Variants in MYO7A observed in about 807,000 individuals in gnomAD.
The protein encoded by MYO7A is unconventional myosin-VIIa.
MYO7A carries 210 observed loss-of-function variants against 263.8 expected under a neutral mutation model. That is an observed-to-expected ratio of 0.80 (90% CI 0.71 to 0.89). MYO7A has a LOEUF of 0.89. MYO7A is among the 40% of genes least tolerant of loss of function. MYO7A has a pLI of 0.00. For missense variants in MYO7A, 2,820 were observed against 2,968.3 expected (o/e 0.95, Z 1.16); for synonymous variants, 1,239 against 1,197.3 (o/e 1.03, Z -0.72).
rs885442 is a variant in MYO7A at position 77,208,993 on chromosome 11, T to G, written c.6051+190T>G. ...CCTGATCCTTGTATCTTCTGATTCT[T>G]CAGCCCTTAGGGGCTTGACAGTTCC... On this transcript the variant is annotated intron_variant, in intron 44 of 48. Transcript: ENST00000409709. 0.52 allele frequency: 313,641 copies of G among 597,994 alleles called. 86,626 individuals carry two copies. Among genetic ancestry groups the G allele is most frequent in the Admixed American group, 0.61 (21,127 of 34,792 alleles). The allele number at this position is 597,994 out of a possible 1,614,324, so 37.0% of individuals were successfully genotyped here. A position where few individuals can be genotyped will look rare whatever the true frequency, so the allele number is the denominator to read the frequency against.
At position 77,181,471 on chromosome 11, in the gene MYO7A, T is replaced by A. The variant is rs1955177590; in HGVS notation, c.2786T>A (p.Met929Lys). 1 of 1,612,254 alleles carries A rather than the reference T, an allele frequency of 6.2e-7. No homozygotes were observed. Among genetic ancestry groups the A allele is most frequent in the African/African-American group, 1.3e-5 (1 of 75,040 alleles). Residue 929 changes from methionine (M) to lysine (K), a missense_variant, in exon 23 of 49, where the codon ATG (methionine) becomes AAG (lysine). By Grantham distance (95) the Met-to-Lys change is moderately conservative. Transcript: ENST00000409709. ...CGGAAGAAGGAGCTCCTGGAGCAGA[T>A]GGAAAGGGCCCGCCATGAGCCTGTC... ...ARRKKELLEQ[M>K]ERARHEPVNH...
chr11:77,147,695 C>T, intron 3 of MYO7A, 103 bp from the exon 4 acceptor site: 1 of 1,478,528 alleles, frequency 6.8e-7, no homozygotes, highest in Non-Finnish European at 9.2e-7. Flanking sequence ...AGGCCCTTAC[C>T]CGGGTTGGCA....
intron 44 of MYO7A, among the ~76,000 whole-genome samples, chr11:77,209,889 G>T (rs1337036788): frequency 8.2e-4 from 125 of 152,304 alleles, no homozygotes; most frequent in African/African-American, 2.9e-3. Context: ...CCTGCCTGGT[G>T]GTGCCACTAA....
At chr11:77,206,554 A>T (rs1238391410) in intron 41 of MYO7A, among the ~76,000 whole-genome samples, 2 of 151,520 alleles carry the variant, frequency 1.3e-5, no homozygotes, top group Non-Finnish European at 2.9e-5. Flanking sequence ...CCAGGTCCAG[A>T]CCTCCCCTGT....
rs114262455 is a variant in MYO7A at position 77,208,303 on chromosome 11, G to C, written c.5857-127G>C. 2.2e-3 allele frequency: 1,604 copies of C among 741,758 alleles called. 29 individuals carry two copies. In the African/African-American group the frequency reaches 0.025, roughly 12 times the overall value. The allele number at this position is 741,758 out of a possible 1,614,324, so 45.9% of individuals were successfully genotyped here. Reference sequence around the variant, plus strand: ...TGGGGCAGGGTGGGGCTGACACACAGAAACCCCTTCCGGCTGGGAGTGGAG... The same window carrying C: ...TGGGGCAGGGTGGGGCTGACACACACAAACCCCTTCCGGCTGGGAGTGGAG... On this transcript the variant is annotated intron_variant, in intron 42 of 48. Transcript: ENST00000409709.
intron 4 of MYO7A, among the ~76,000 whole-genome samples, chr11:77,155,095 A>T (rs1952321128): frequency 1.3e-5 from 2 of 152,226 alleles, no homozygotes; most frequent in Non-Finnish European, 2.9e-5. Flanking sequence ...TTCAAGTTTG[A>T]GACGTGGGGT....
At chr11:77,175,923 G>A (rs537741368) in intron 18 of MYO7A, among the ~76,000 whole-genome samples, 3 of 152,360 alleles carry the variant, frequency 2.0e-5, no homozygotes, top group East Asian at 3.9e-4. Flanking sequence ...ACTCTGTAGG[G>A]AGCTCAGCTC....
intron 14 of MYO7A, among the ~76,000 whole-genome samples, chr11:77,165,242 G>A (rs956628166): frequency 6.6e-6 from 1 of 152,186 alleles, no homozygotes; most frequent in Non-Finnish European, 1.5e-5. Flanking sequence ...CGCCATTCAT[G>A]GGCAGCCTAT....
At chr11:77,132,454 G>A (rs1295384453) in intron 2 of MYO7A, among the ~76,000 whole-genome samples, 2 of 151,838 alleles carry the variant, frequency 1.3e-5, no homozygotes, top group African/African-American at 2.4e-5. Flanking sequence ...TGGCAGCTGT[G>A]GGAAAACAGG....
chr11:77,145,058 T>G (rs551975462), intron 3 of MYO7A, among the ~76,000 whole-genome samples: 1 of 152,144 alleles, frequency 6.6e-6, no homozygotes, highest in African/African-American at 2.4e-5. Flanking sequence ...CTGGCCTCTG[T>G]TGGGACTCCT....
intron 37 of MYO7A, 61 bp downstream of exon 37, chr11:77,202,485 G>A (rs1370855490): frequency 6.6e-7 from 1 of 1,522,042 alleles, no homozygotes; most frequent in African/African-American, 1.4e-5. Flanking sequence ...TTCCGCTACT[G>A]TCTGGTCGTG....
intron 16 of MYO7A, among the ~76,000 whole-genome samples, chr11:77,173,104 A>G (rs1555077584): frequency 6.6e-6 from 1 of 152,218 alleles, no homozygotes; most frequent in East Asian, 1.9e-4. Flanking sequence ...GCAGGTTCAG[A>G]TCCTGCCTCT....
chr11:77,182,655 G>A lies in MYO7A; in HGVS notation c.3285+55G>A, dbSNP rs146533451. 2.9e-4 allele frequency: 459 copies of A among 1,580,382 alleles called. No individual in the cohort carries two copies. The East Asian group carries it at 8.1e-3, about 28-fold the overall frequency. ...CCCTCCCAGGCCGACAAGGAGGGCC[G>A]CTGGCATCACCAGCCTTGGGCTCCT... is the stretch of plus-strand genomic sequence containing the variant. On this transcript the variant is annotated intron_variant, in intron 25 of 48. Transcript: ENST00000409709.
intron 16 of MYO7A, among the ~76,000 whole-genome samples, chr11:77,173,596 G>A (rs12284953): frequency 0.02 from 3,022 of 152,202 alleles, 86 homozygotes; most frequent in African/African-American, 0.068. Context: ...CTCTCCTTTC[G>A]CAGCACAGGC....
chr11:77,182,406 AT>A lies in MYO7A; in HGVS notation c.3109-17del. The A allele has an allele frequency of 1.9e-6, 3 of 1,605,858 alleles. No homozygotes were observed. Among genetic ancestry groups the A allele is most frequent in the Non-Finnish European group, 1.7e-6 (2 of 1,176,060 alleles). On this transcript the variant is annotated splice_polypyrimidine_tract_variant and intron_variant, in intron 24 of 48. Transcript: ENST00000409709. Reference sequence around the variant, plus strand: ...AATGTCCTCCGCTCTGGCCTCTGACATGCGCGCTCTGCCCCAGGCAGCCCTG... The same window carrying A: ...AATGTCCTCCGCTCTGGCCTCTGACAGCGCGCTCTGCCCCAGGCAGCCCTG...
At chr11:77,170,488 C>T (rs1038550622) in intron 15 of MYO7A, among the ~76,000 whole-genome samples, 14 of 152,052 alleles carry the variant, frequency 9.2e-5, no homozygotes, top group African/African-American at 2.2e-4. Flanking sequence ...TGCCTTCATG[C>T]GAGTGAATCA....
At chr11:77,165,129 A>G (rs1174466391) in intron 14 of MYO7A, among the ~76,000 whole-genome samples, 2 of 152,210 alleles carry the variant, frequency 1.3e-5, no homozygotes, top group Non-Finnish European at 2.9e-5. Context: ...GAACCCAATT[A>G]CATCCCAACT....
In MYO7A at chr11:77,190,957, G is replaced by A. The variant is rs75781644; in HGVS notation, c.3924+87G>A. ...CCAGTGCTGCCACCTACTTGCCGGG[G>A]CTATTCACCCTTGAGCACCTCGGTT... On this transcript the variant is annotated intron_variant, in intron 30 of 48. Transcript: ENST00000409709. 7.5e-3 allele frequency: 10,394 copies of A among 1,390,494 alleles called. 566 individuals carry two copies. In the African/African-American group the frequency reaches 0.13, roughly 17 times the overall value. 86.1% of individuals were successfully genotyped at this position (1,390,494 alleles called of 1,614,324 possible).
At chr11:77,147,268 C>T (rs1475142303) in intron 3 of MYO7A, among the ~76,000 whole-genome samples, 1 of 152,012 alleles carries the variant, frequency 6.6e-6, no homozygotes, top group Non-Finnish European at 1.5e-5. Flanking sequence ...TTCCTTCATG[C>T]CTCAGCTCAT....
Sources: allele counts gnomAD v4.1 joint callset (sites outside exome capture counted in the v4.1 genomes callset), GRCh38; gene constraint gnomAD v4.1.1; transcripts MANE v1.5; gene names NCBI Gene and HGNC (gene_info 2026-07-23, HGNC 2026-07-21).